EPS15L1: variants seen among roughly 807,000 people sequenced by gnomAD.
EPS15L1 encodes the protein epidermal growth factor receptor substrate 15-like 1.
EPS15L1 carries 43 observed loss-of-function variants against 117.1 expected under a neutral mutation model. That is an observed-to-expected ratio of 0.37 (90% CI 0.29 to 0.47). EPS15L1 has a LOEUF of 0.47. Ranked by LOEUF, EPS15L1 falls within the 20% of genes least tolerant of loss-of-function variation. EPS15L1 has a pLI of 0.99. For synonymous variants in EPS15L1, 459 were observed against 470.5 expected (o/e 0.98, Z 0.32); for missense variants, 981 against 1,164.0 (o/e 0.84, Z 2.29).
In EPS15L1 at chr19:16,467,059, G is replaced by A. The variant is rs1207899186; in HGVS notation, c.33+4854C>T. On this transcript the variant is annotated intron_variant, in intron 1 of 23. Transcript: ENST00000455140. ...AAGTATTTGCAGGACTGAGGGCAGT[G>A]AAGGAATATCTGGGAATCCAAACAA... Among the ~76,000 whole-genome samples, 3 of 152,082 alleles carry A rather than the reference G, an allele frequency of 2.0e-5. No individual in the cohort carries two copies. In the East Asian group the frequency reaches 5.8e-4, roughly 29 times the overall value.
rs142361041 is a variant in EPS15L1, at chr19:16,421,200, G to A, written c.950+119C>T. 111 of 1,166,308 alleles carry A rather than the reference G, an allele frequency of 9.5e-5. No homozygotes were observed. In the East Asian group the frequency reaches 2.5e-3, roughly 26 times the overall value. 72.2% of individuals were successfully genotyped at this position (1,166,308 alleles called of 1,614,324 possible). A position where few individuals can be genotyped will look rare whatever the true frequency, so the allele number is the denominator to read the frequency against. On this transcript the variant is annotated intron_variant, in intron 10 of 23. Coordinates refer to ENST00000455140, the MANE Select transcript of EPS15L1 (RefSeq NM_001258374.3). Reference sequence around the variant, plus strand: ...AGGCCAGGGAGAATAAAGGACGCCAGACACAGCGGAAGCCTGTGACAGGCT... The same window carrying A: ...AGGCCAGGGAGAATAAAGGACGCCAAACACAGCGGAAGCCTGTGACAGGCT...
intron 16 of EPS15L1, among the ~76,000 whole-genome samples, chr19:16,398,830 C>T (rs1320583373): frequency 6.6e-6 from 1 of 152,120 alleles, no homozygotes; most frequent in African/African-American, 2.4e-5. Context: ...AGGTACCATA[C>T]TGATGACTAA....
Position 16,442,278 on chromosome 19 carries a change from G to C in EPS15L1, c.34-59C>G, listed in dbSNP as rs373479180. 6 of 1,492,946 alleles carry C rather than the reference G, an allele frequency of 4.0e-6. No homozygotes were observed. The Admixed American group carries it at 5.3e-5, about 13-fold the overall frequency. The allele number at this position is 1,492,946 out of a possible 1,614,324, so 92.5% of individuals were successfully genotyped here. A position where few individuals can be genotyped will look rare whatever the true frequency, so the allele number is the denominator to read the frequency against. Reference sequence around the variant, plus strand: ...GAACACAACCCCTTGGGGAAAAAAAGGGTTGCCCCCTCAATTTTGTCATGA... The same window carrying C: ...GAACACAACCCCTTGGGGAAAAAAACGGTTGCCCCCTCAATTTTGTCATGA... On this transcript the variant is annotated intron_variant, in intron 1 of 23. Transcript: ENST00000455140.
At position 16,401,479 on chromosome 19, in the gene EPS15L1, G is replaced by A. The variant is rs376199594; in HGVS notation, c.1791+842C>T. On this transcript the variant is annotated intron_variant, in intron 16 of 23. Transcript: ENST00000455140. ...GCCCTGGGAGAGAGGGTGGCAGCAC[G>A]GAGAGAGCTGCTGGAGGCAGCAGAG... 5.6e-5 allele frequency: 55 copies of A among 985,774 alleles called. 2 individuals are homozygous for A. The East Asian group carries it at 1.8e-3, about 32-fold the overall frequency. The allele number at this position is 985,774 out of a possible 1,614,324, so 61.1% of individuals were successfully genotyped here.
intron 1 of EPS15L1, among the ~76,000 whole-genome samples, chr19:16,453,134 C>T (rs1408369412): frequency 6.6e-6 from 1 of 152,070 alleles, no homozygotes; most frequent in Non-Finnish European, 1.5e-5. Flanking sequence ...GAGACTTGCT[C>T]TGTCACCCAG....
chr19:16,412,798 G>T, intron 13 of EPS15L1: 1 of 454,456 alleles, frequency 2.2e-6, no homozygotes, highest in Admixed American at 2.8e-5. Context: ...CTGGGGCTGG[G>T]GTCGCGGCCG....
chr19:16,428,854 C>G (rs936599817), intron 7 of EPS15L1, 93 bp from the exon 8 acceptor site: 4 of 949,446 alleles, frequency 4.2e-6, no homozygotes, highest in Non-Finnish European at 6.7e-6. Context: ...AGCCGTGGCA[C>G]TCACTGGGCT....
Position 16,436,940 on chromosome 19 carries a change from C to T in EPS15L1, c.369G>A (p.Val123=). 6.2e-7 allele frequency: 1 copy of T among 1,613,396 alleles called. No homozygotes were observed. Among genetic ancestry groups the T allele is most frequent in the Non-Finnish European group, 8.5e-7 (1 of 1,179,334 alleles). Residue 123 remains valine, a synonymous_variant, in exon 6 of 24, where the codon GTG becomes GTA. Coordinates refer to ENST00000455140, the MANE Select transcript of EPS15L1 (RefSeq NM_001258374.3). The part of the protein sequence containing the change: ...TPPSAEAHWA[V]RVEEKAKFDG... ...GGAGCTATTCCCGTTCACTTACCCTCACAGCCCAGTGGGCCTCTGCAGAGG... is the reference window on the plus strand; with the variant it reads ...GGAGCTATTCCCGTTCACTTACCCTTACAGCCCAGTGGGCCTCTGCAGAGG...
chr19:16,458,748 A>G (rs1033158702), intron 1 of EPS15L1, among the ~76,000 whole-genome samples: 1 of 151,986 alleles, frequency 6.6e-6, no homozygotes, highest in Admixed American at 6.6e-5. Context: ...AGGCTCACCC[A>G]CATACACTCA....
rs144716290 is a variant in EPS15L1 at position 16,425,137 on chromosome 19, G to A, written c.738C>T (p.Ser246=). 2.1e-4 allele frequency: 344 copies of A among 1,614,046 alleles called. No individual in the cohort carries two copies. The highest frequency in any genetic ancestry group is 2.8e-4 in the Non-Finnish European group (332 of 1,180,034). The part of the protein sequence containing the change: ...LRSTPSHGSV[S]SLNSTGSLSP... ...ACAGGCTCCCTGTGCTGTTGAGGCT[G>A]CTGACGCTGCCGTGGGACGGCGTGG... Residue 246 remains serine, a synonymous_variant, in exon 9 of 24, where the codon AGC becomes AGT. Transcript: ENST00000455140.
intron 1 of EPS15L1, among the ~76,000 whole-genome samples, chr19:16,454,415 C>T (rs978202257): frequency 7.9e-5 from 12 of 152,174 alleles, no homozygotes; most frequent in East Asian, 1.9e-4. Context: ...AGGATTTCTA[C>T]GGGCCAGCTA....
At chr19:16,372,649 G>A (rs2092241477) in intron 22 of EPS15L1, among the ~76,000 whole-genome samples, 1 of 152,210 alleles carries the variant, frequency 6.6e-6, no homozygotes, top group Admixed American at 6.5e-5. Flanking sequence ...TGGAAAAGGT[G>A]CCCATATGGC....
rs1458855557 is a variant in EPS15L1 at position 16,402,347 on chromosome 19, C to CG, written c.1764_1765insC (p.Ala589ArgfsTer11). 6.2e-7 allele frequency: 1 copy of CG among 1,612,800 alleles called. No homozygotes were observed. The highest frequency in any genetic ancestry group is 8.5e-7 in the Non-Finnish European group (1 of 1,179,478). ...ATGGCTCCAAAACTGCCCCTCTCTG[C>CG]CAGGGAGACGCCTTCGCTCAGGTTG... On this transcript the variant is annotated frameshift_variant, in exon 16 of 24. Coordinates refer to ENST00000455140, the MANE Select transcript of EPS15L1 (RefSeq NM_001258374.3). LOFTEE classifies it high-confidence loss of function.
At chr19:16,414,283 ACCTGAATGAG>A (rs976451891) in intron 12 of EPS15L1, among the ~76,000 whole-genome samples, 47 of 152,048 alleles carry the variant, frequency 3.1e-4, no homozygotes, top group African/African-American at 1.1e-3. Flanking sequence ...TTCTGCCAAC[ACCTGAATGAG>A]CCTAGAAACA....
At chr19:16,427,629 T>C (rs1173515111) in intron 8 of EPS15L1, among the ~76,000 whole-genome samples, 2 of 152,034 alleles carry the variant, frequency 1.3e-5, no homozygotes, top group African/African-American at 4.8e-5. Flanking sequence ...TGGTGTCTCA[T>C]GCCTGTAATC....
intron 1 of EPS15L1, among the ~76,000 whole-genome samples, chr19:16,456,521 G>A (rs2145154777): frequency 6.6e-6 from 1 of 152,200 alleles, no homozygotes; most frequent in East Asian, 1.9e-4. Context: ...GCTGGGCGTG[G>A]TGGCGGGTAC....
At chr19:16,394,488 C>T (rs1451346465) in intron 17 of EPS15L1, among the ~76,000 whole-genome samples, 2 of 152,184 alleles carry the variant, frequency 1.3e-5, no homozygotes, top group African/African-American at 2.4e-5. Flanking sequence ...CAAGCTGAAG[C>T]TCAAGCTCCC....
intron 9 of EPS15L1, among the ~76,000 whole-genome samples, chr19:16,423,887 C>G (rs867570367): frequency 6.6e-5 from 10 of 152,248 alleles, no homozygotes; most frequent in Middle Eastern, 3.4e-3. Flanking sequence ...GAAGAAATTA[C>G]GTATGAAATT....
chr19:16,368,597 G>A (rs536333521), intron 22 of EPS15L1, among the ~76,000 whole-genome samples: 2 of 151,378 alleles, frequency 1.3e-5, no homozygotes, highest in African/African-American at 4.9e-5. Context: ...CACAACAGGT[G>A]GTGCCCACAC....
Sources: gnomAD v4.1 joint callset for allele counts (sites outside exome capture counted in the v4.1 genomes callset) on GRCh38, gnomAD v4.1.1 for gene constraint, MANE v1.5 for transcripts, NCBI Gene and HGNC (gene_info 2026-07-23, HGNC 2026-07-21) for gene names.